Variants in GRM1 observed in about 807,000 individuals in gnomAD.
GRM1 encodes the protein glutamate metabotropic receptor 1, also known as metabotropic glutamate receptor 1.
Under a neutral mutation model 90.9 loss-of-function variants are expected in GRM1, and 33 were observed. The observed-to-expected ratio is 0.36, with a 90% CI of 0.28 to 0.49. The LOEUF (loss-of-function observed/expected upper bound fraction) is 0.49. GRM1 is among the 20% of genes least tolerant of loss of function. The pLI, the probability that GRM1 is intolerant of heterozygous loss-of-function variation, is 0.99. For synonymous variants in GRM1, 700 were observed against 613.2 expected, an observed-to-expected ratio of 1.14 and a Z score of -2.09; for missense variants, 1,190 against 1,534.3, an observed-to-expected ratio of 0.78 and a Z score of 3.75.
At chr6:146,387,116 T>C in intron 6 of GRM1, 100 bp downstream of exon 6, 1 of 1,108,764 alleles carries the variant, frequency 9.0e-7, no homozygotes, top group Admixed American at 1.7e-5. Context: ...TTCTCAATGT[T>C]AATTTACAAT....
At chr6:146,095,683 A>G (rs945137157) in intron 1 of GRM1, among the ~76,000 whole-genome samples, 2 of 152,108 alleles carry the variant, frequency 1.3e-5, no homozygotes, top group African/African-American at 4.8e-5. Context: ...GGACTTGCAC[A>G]GTCTGGCCCA....
chr6:146,417,290 A>G (rs569228176), intron 7 of GRM1, among the ~76,000 whole-genome samples: 4 of 152,276 alleles, frequency 2.6e-5, no homozygotes, highest in South Asian at 2.1e-4. Context: ...AAAAAAATTT[A>G]TCTGGTTTTT....
chr6:146,078,310 C>T (rs186187959), intron 1 of GRM1, among the ~76,000 whole-genome samples: 2 of 152,256 alleles, frequency 1.3e-5, no homozygotes, highest in East Asian at 3.9e-4. Context: ...TCTGAACTGC[C>T]TTCCTTATGT....
chr6:146,360,364 A>T (rs1211358720), intron 5 of GRM1, among the ~76,000 whole-genome samples: 1 of 152,024 alleles, frequency 6.6e-6, no homozygotes, highest in Non-Finnish European at 1.5e-5. Flanking sequence ...GAAGAGAAAA[A>T]TTTTTGTCAT....
At chr6:146,195,030 A>G (rs1008062834) in intron 2 of GRM1, among the ~76,000 whole-genome samples, 6 of 152,136 alleles carry the variant, frequency 3.9e-5, no homozygotes, top group Non-Finnish European at 8.8e-5. Flanking sequence ...GATTGTAATC[A>G]CTCCATAAAT....
Position 146,384,275 on chromosome 6 carries a change from A to G in GRM1, c.1603-2615A>G, listed in dbSNP as rs1055424980. Among the ~76,000 whole-genome samples, 6 of 152,238 alleles carry G rather than the reference A, an allele frequency of 3.9e-5. No individual in the cohort carries two copies. In the East Asian group the frequency reaches 1.2e-3, roughly 29 times the overall value. The stretch of plus-strand genomic sequence containing the variant: ...GCCGGCTGGAATTTTGAGTCCGAGT[A>G]AGGAACACTTAGTAGGGAGTTGGAT... On this transcript the variant is annotated intron_variant, in intron 5 of 7. Transcript: ENST00000282753.
At chr6:146,045,716 C>A (rs1791299711) in intron 1 of GRM1, among the ~76,000 whole-genome samples, 1 of 103,206 alleles carries the variant, frequency 9.7e-6, no homozygotes, top group South Asian at 3.2e-4. Flanking sequence ...GATTATTTTT[C>A]TTTTGCTTCT....
At chr6:146,206,237 G>T (rs1019774480) in intron 2 of GRM1, among the ~76,000 whole-genome samples, 15 of 152,318 alleles carry the variant, frequency 9.8e-5, no homozygotes, top group Admixed American at 7.2e-4. Flanking sequence ...CCAATGGCTT[G>T]TGGGGGAAGA....
At chr6:146,202,992 G>A (rs1466991564) in intron 2 of GRM1, among the ~76,000 whole-genome samples, 2 of 151,912 alleles carry the variant, frequency 1.3e-5, no homozygotes, top group African/African-American at 4.8e-5. Flanking sequence ...TCAGGAGAGA[G>A]AGACAATCCT....
chr6:146,391,988 A>G (rs1371015361), intron 6 of GRM1, among the ~76,000 whole-genome samples: 2 of 152,176 alleles, frequency 1.3e-5, no homozygotes, highest in Non-Finnish European at 2.9e-5. Context: ...TGCACTGTAT[A>G]GGACAGAGTT....
chr6:146,143,451 A>G (rs370652866), intron 1 of GRM1, among the ~76,000 whole-genome samples: 15 of 152,332 alleles, frequency 9.8e-5, no homozygotes, highest in African/African-American at 2.4e-4. Context: ...TGTCAGTCCA[A>G]TGATGCTGGG....
At chr6:146,379,282 T>C (rs1180926393) in intron 5 of GRM1, among the ~76,000 whole-genome samples, 1 of 151,140 alleles carries the variant, frequency 6.6e-6, no homozygotes, top group Non-Finnish European at 1.5e-5. Flanking sequence ...TATTCTTTTG[T>C]CTCCTCTGAT....
chr6:146,434,882 T>G lies in GRM1; in HGVS notation c.*86T>G, dbSNP rs1213752130. On this transcript the variant is annotated 3_prime_UTR_variant, in exon 8 of 8. Transcript: ENST00000282753. ...GTGCAAACAGCTGGGAGGAAAAGCC[T>G]GGGAGTGGGGGGCCTCGTCGGGAGG... 8.3e-7 allele frequency: 1 copy of G among 1,211,160 alleles called. No individual in the cohort carries two copies. Among genetic ancestry groups the G allele is most frequent in the African/African-American group, 1.5e-5 (1 of 67,100 alleles). 75.0% of individuals were successfully genotyped at this position (1,211,160 alleles called of 1,614,324 possible).
At chr6:146,060,597 T>C (rs1297167004) in intron 1 of GRM1, among the ~76,000 whole-genome samples, 2 of 152,216 alleles carry the variant, frequency 1.3e-5, no homozygotes, top group African/African-American at 4.8e-5. Flanking sequence ...TTTTTATGGC[T>C]GTATAGTATT....
intron 1 of GRM1, among the ~76,000 whole-genome samples, chr6:146,062,304 G>A (rs1180543346): frequency 6.6e-6 from 1 of 151,550 alleles, no homozygotes; most frequent in African/African-American, 2.4e-5. Context: ...GAGAACACAT[G>A]AACATAAGGA....
intron 3 of GRM1, among the ~76,000 whole-genome samples, chr6:146,316,035 T>C (rs553526652): frequency 6.6e-6 from 1 of 152,316 alleles, no homozygotes; most frequent in Non-Finnish European, 1.5e-5. Flanking sequence ...ACAAATTTAT[T>C]ATGTTACAAT....
chr6:146,397,979 GT>G (rs1777027213), intron 6 of GRM1, among the ~76,000 whole-genome samples: 1 of 152,164 alleles, frequency 6.6e-6, no homozygotes, highest in Non-Finnish European at 1.5e-5. Context: ...TGAAGGGGTT[GT>G]CCCAGAGCCT....
intron 2 of GRM1, among the ~76,000 whole-genome samples, chr6:146,288,393 G>A (rs1782842641): frequency 6.6e-6 from 1 of 152,164 alleles, no homozygotes; most frequent in African/African-American, 2.4e-5. Flanking sequence ...TAAGAACTTG[G>A]ATATTTAGCT....
intron 2 of GRM1, among the ~76,000 whole-genome samples, chr6:146,294,134 T>A (rs147365243): frequency 6.6e-6 from 1 of 151,930 alleles, no homozygotes; most frequent in Non-Finnish European, 1.5e-5. Context: ...ATGTTTATTC[T>A]GTGTTCTTTT....
Sources: allele counts gnomAD v4.1 joint callset (sites outside exome capture counted in the v4.1 genomes callset), GRCh38; gene constraint gnomAD v4.1.1; transcripts MANE v1.5; gene names NCBI Gene and HGNC (gene_info 2026-07-23, HGNC 2026-07-21).